THAP4: variants seen among roughly 807,000 people sequenced by gnomAD.
THAP4 encodes the protein peroxynitrite isomerase THAP4.
Under a neutral mutation model 48.1 loss-of-function variants are expected in THAP4, and 18 were observed. The ratio of observed to expected loss-of-function variants is 0.37; its 90% CI spans 0.26 to 0.56. The LOEUF (loss-of-function observed/expected upper bound fraction) is 0.56. Among genes scored for constraint, THAP4 ranks in the 20% least tolerant of loss-of-function variants. The pLI is 0.78. For synonymous variants in THAP4, 345 were observed against 324.9 expected, an observed-to-expected ratio of 1.06 and a Z score of -0.66; for missense variants, 656 against 774.9, an observed-to-expected ratio of 0.85 and a Z score of 1.82.
chr2:241,594,028 C>T (rs766098619), intron 5 of THAP4, among the ~76,000 whole-genome samples: 1 of 152,140 alleles, frequency 6.6e-6, no homozygotes, highest in Non-Finnish European at 1.5e-5. Context: ...GAACAACTTG[C>T]CCATCAATGA....
chr2:241,607,900 A>G (rs4675919), intron 2 of THAP4, among the ~76,000 whole-genome samples: 99,878 of 107,038 alleles, frequency 0.93, 46,686 homozygotes, highest in East Asian at 0.99. Context: ...AGCAGAAGAC[A>G]GCTGACGGGG....
Position 241,601,676 on chromosome 2 carries a change from C to A in THAP4, c.1614+220G>T. 1 of 734,098 alleles carries A rather than the reference C, an allele frequency of 1.4e-6. No homozygotes were observed. Among genetic ancestry groups the A allele is most frequent in the African/African-American group, 1.8e-5 (1 of 56,518 alleles). 45.5% of individuals were successfully genotyped at this position (734,098 alleles called of 1,614,324 possible). A position where few individuals can be genotyped will look rare whatever the true frequency, so the allele number is the denominator to read the frequency against. On this transcript the variant is annotated intron_variant, in intron 5 of 5. Transcript: ENST00000407315. This position sits in a 1 kb window ranked among gnomAD's most constrained non-coding sequence, Gnocchi z 4.0. The stretch of plus-strand genomic sequence containing the variant: ...AAGGATGTTTGTGACAAACAACAAA[C>A]CTCAAAAAAACCACACCACTGACCA...
At position 241,601,819 on chromosome 2, in the gene THAP4, C is replaced by T. The variant is rs570775662; in HGVS notation, c.1614+77G>A. 2.3e-5 allele frequency: 36 copies of T among 1,588,608 alleles called. No individual in the cohort carries two copies. The East Asian group carries it at 4.8e-4, about 21-fold the overall frequency. On this transcript the variant is annotated intron_variant, in intron 5 of 5. Transcript: ENST00000407315. The surrounding 1 kb of genome is among the most constrained non-coding windows in gnomAD (Gnocchi z 4.0). ...CAGTGGCAAGACACGCACTACCTCA[C>T]GGAAGAGGAAGAGGCTGACTCCACA...
At chr2:241,615,507 G>C (rs1171562930) in intron 2 of THAP4, among the ~76,000 whole-genome samples, 1 of 152,246 alleles carries the variant, frequency 6.6e-6, no homozygotes, top group Non-Finnish European at 1.5e-5. Context: ...CGGCCTCACA[G>C]CTCAGGGCCT....
intron 5 of THAP4, among the ~76,000 whole-genome samples, chr2:241,598,554 G>A (rs2067077366): frequency 6.6e-6 from 1 of 152,164 alleles, no homozygotes; most frequent in Non-Finnish European, 1.5e-5. Flanking sequence ...GTGGTTTTGG[G>A]ATGAAACTGT....
chr2:241,632,390 G>A (rs1009680931), intron 2 of THAP4, among the ~76,000 whole-genome samples: 14 of 152,024 alleles, frequency 9.2e-5, no homozygotes, highest in African/African-American at 2.9e-4. Context: ...GTGAGCCACC[G>A]AGTCCAGCCT....
chr2:241,632,837 C>T (rs2067582726), intron 2 of THAP4, 80 bp downstream of exon 2: 1 of 1,163,138 alleles, frequency 8.6e-7, no homozygotes. Flanking sequence ...CCCAGAAATG[C>T]TCAGGGGACG....
intron 5 of THAP4, among the ~76,000 whole-genome samples, chr2:241,590,994 G>A (rs1219687472): frequency 6.9e-6 from 1 of 145,316 alleles, no homozygotes; most frequent in African/African-American, 2.5e-5. Context: ...AGAGCTGCTC[G>A]GCTGACAATA....
intron 2 of THAP4, among the ~76,000 whole-genome samples, chr2:241,615,847 C>T (rs1036835267): frequency 3.9e-5 from 6 of 152,212 alleles, no homozygotes; most frequent in African/African-American, 7.2e-5. Flanking sequence ...CCACGGTTCC[C>T]GACACATCAG....
rs564531974 is a variant in THAP4, at chr2:241,599,206, C to T, written c.1614+2690G>A. Among the ~76,000 whole-genome samples, 166 of 150,944 alleles carry T rather than the reference C, an allele frequency of 1.1e-3. 4 individuals carry two copies. In the South Asian group the frequency reaches 0.026, roughly 24 times the overall value. On this transcript the variant is annotated intron_variant, in intron 5 of 5. Transcript: ENST00000407315. ...GGCGGAGGTTGCAGTGAGCTGAGAT[C>T]GTGCCACTGCATTCCAGCCTGGGCA... is the stretch of plus-strand genomic sequence containing the variant.
intron 5 of THAP4, among the ~76,000 whole-genome samples, chr2:241,590,452 G>A (rs2066948970): frequency 6.6e-6 from 1 of 151,058 alleles, no homozygotes; most frequent in African/African-American, 2.4e-5. Flanking sequence ...GAGCTGCTCG[G>A]CTGATGATAA....
intron 3 of THAP4, among the ~76,000 whole-genome samples, chr2:241,604,050 T>A (rs543960648): frequency 1.3e-5 from 2 of 152,036 alleles, no homozygotes; most frequent in East Asian, 3.9e-4. Context: ...ACCAACCTTA[T>A]GAGTTTCTAT....
chr2:241,619,752 GAGTT>G (rs2067390566), intron 2 of THAP4, among the ~76,000 whole-genome samples: 1 of 138,010 alleles, frequency 7.2e-6, no homozygotes, highest in Non-Finnish European at 1.6e-5. Context: ...AGGGGTGAGT[GAGTT>G]GGTGAGTGAG....
In THAP4 at chr2:241,636,974, C is replaced by T. The variant is rs1380449670; in HGVS notation, c.44G>A (p.Gly15Glu). Reference protein sequence around the residue: ...CAAVNCSNRQGKGEKRAVSFH... With the variant: ...CAAVNCSNRQEKGEKRAVSFH... The stretch of plus-strand genomic sequence containing the variant: ...GGAGACGGCGCGCTTCTCGCCCTTT[C>T]CCTGCCGGTTGGAGCAGTTCACGGC... Residue 15 changes from glycine to glutamate, a missense_variant, in exon 1 of 6, where the codon GGA becomes GAA. Transcript: ENST00000407315. 3 of 1,324,698 alleles carry T rather than the reference C, an allele frequency of 2.3e-6. No homozygotes were observed. Among genetic ancestry groups the T allele is most frequent in the Non-Finnish European group, 3.0e-6 (3 of 1,014,268 alleles). The allele number at this position is 1,324,698 out of a possible 1,614,324, so 82.1% of individuals were successfully genotyped here. A position where few individuals can be genotyped will look rare whatever the true frequency, so the allele number is the denominator to read the frequency against.
intron 2 of THAP4, among the ~76,000 whole-genome samples, chr2:241,632,637 C>T (rs537282930): frequency 1.1e-4 from 16 of 152,348 alleles, no homozygotes; most frequent in African/African-American, 2.6e-4. Context: ...GCACTCTCCA[C>T]GGAGGCGTTC....
chr2:241,620,824 C>T (rs553066806), intron 2 of THAP4, among the ~76,000 whole-genome samples: 2 of 152,210 alleles, frequency 1.3e-5, no homozygotes, highest in East Asian at 3.9e-4. Context: ...TGACAGGACT[C>T]TCTCAGCTCC....
chr2:241,597,143 T>C (rs1023120191), intron 5 of THAP4, among the ~76,000 whole-genome samples: 2 of 152,106 alleles, frequency 1.3e-5, no homozygotes, highest in East Asian at 1.9e-4. Context: ...ACTTCTTTTT[T>C]CCCCAAGATG....
At position 241,633,219 on chromosome 2, in the gene THAP4, G is replaced by A. The variant is rs552876036; in HGVS notation, c.938C>T (p.Thr313Met). 219 of 1,609,414 alleles carry A rather than the reference G, an allele frequency of 1.4e-4. 3 individuals carry two copies. In the South Asian group the frequency reaches 2.0e-3, roughly 15 times the overall value. The change falls in exon 2 of 6, where the codon ACG (threonine) becomes ATG (methionine). Residue 313 changes from threonine (T) to methionine (M), a missense_variant. Physicochemically the swap from Thr to Met is moderately conservative, Grantham distance 81 (BLOSUM62 -1). Transcript: ENST00000407315. This position sits in a 1 kb window ranked among gnomAD's most constrained non-coding sequence, Gnocchi z 7.5. ...PPADVTPKPA[T>M]EAVQSEHSDA... is the part of the protein sequence containing the mutation. ...GCTGTGCTCGCTCTGCACGGCTTCC[G>A]TGGCTGGCTTTGGGGTGACGTCGGC... is the stretch of plus-strand genomic sequence containing the variant.
upstream of THAP4, chr2:241,637,524 C>A: frequency 1.4e-6 from 2 of 1,439,474 alleles, no homozygotes; most frequent in Middle Eastern, 1.8e-4. Flanking sequence ...GCCCGCAGGG[C>A]GCCCCGGGGC....
Sources: allele counts gnomAD v4.1 joint callset (sites outside exome capture counted in the v4.1 genomes callset), GRCh38; gene constraint gnomAD v4.1.1; non-coding constraint Gnocchi (gnomAD v3.1); transcripts MANE v1.5; gene names NCBI Gene and HGNC (gene_info 2026-07-23, HGNC 2026-07-21).